MYH13: variants seen among roughly 807,000 people sequenced by gnomAD.
MYH13 encodes the protein myosin heavy chain 13.
In MYH13, 177 loss-of-function variants were observed where a neutral mutation model predicts 232.1. The ratio of observed to expected loss-of-function variants is 0.76; its 90% CI spans 0.67 to 0.86. The LOEUF (loss-of-function observed/expected upper bound fraction) is 0.86, where lower values mean the gene tolerates loss of function less well. MYH13 is among the 40% of genes least tolerant of loss of function. The pLI, the probability that MYH13 is intolerant of heterozygous loss-of-function variation, is 0.00. For missense variants in MYH13, 2,246 were observed against 2,405.9 expected, an observed-to-expected ratio of 0.93 and a Z score of 1.39; for synonymous variants, 884 against 923.5, an observed-to-expected ratio of 0.96 and a Z score of 0.78.
At chr17:10,364,755 G>T (rs2071820335) in intron 2 of MYH13, among the ~76,000 whole-genome samples, 1 of 147,204 alleles carries the variant, frequency 6.8e-6, no homozygotes, top group Non-Finnish European at 1.5e-5. Flanking sequence ...AAGTATGAAG[G>T]TTTTTTTTTT....
intron 19 of MYH13, 41 bp downstream of exon 19, chr17:10,333,033 C>G (rs749756846): frequency 2.8e-6 from 4 of 1,440,440 alleles, no homozygotes; most frequent in East Asian, 2.5e-5. Flanking sequence ...GCAAAAGGTG[C>G]CCTCGGAAGG....
In MYH13 at chr17:10,315,749, G is replaced by C. The variant is rs1429274668; in HGVS notation, c.3928C>G (p.Gln1310Glu). The C allele has an allele frequency of 6.2e-7, 1 of 1,613,880 alleles. No individual in the cohort carries two copies. The highest frequency in any genetic ancestry group is 1.3e-5 in the African/African-American group (1 of 74,924). ...TCCTCCAGCTGCTGGGTGAGGGCCT[G>C]CTTGCTTTTGGTCAGCTGTGAAATC... ...SLISQLTKSK[Q>E]ALTQQLEELK... Residue 1310 changes from glutamine (Q) to glutamate (E), a missense_variant, in exon 29 of 41, where the codon CAG becomes GAG. Coordinates refer to ENST00000252172, the MANE Select transcript of MYH13 (RefSeq NM_003802.3).
chr17:10,316,216 T>C (rs535842548), intron 27 of MYH13, among the ~76,000 whole-genome samples, 191 bp from the exon 28 acceptor site: 15 of 152,316 alleles, frequency 9.8e-5, no homozygotes, highest in African/African-American at 3.4e-4. Context: ...ATCCCAGCAC[T>C]TTGGGAGGCC....
At chr17:10,315,638 G>C (rs79462749) in intron 29 of MYH13, 55 bp downstream of exon 29, 2 of 1,472,242 alleles carry the variant, frequency 1.4e-6, no homozygotes, top group African/African-American at 2.8e-5. Context: ...AGCTTCACGG[G>C]TGAAGTGGTC....
intron 31 of MYH13, 33 bp from the exon 32 acceptor site, chr17:10,312,109 G>T (rs1184999012): frequency 1.2e-6 from 2 of 1,610,912 alleles, no homozygotes; most frequent in African/African-American, 2.7e-5. Flanking sequence ...GGGAGAAGCA[G>T]AAAGCAGGGG....
At chr17:10,329,084 A>G (rs1316071489) in intron 21 of MYH13, among the ~76,000 whole-genome samples, 1 of 152,080 alleles carries the variant, frequency 6.6e-6, no homozygotes, top group Non-Finnish European at 1.5e-5. Flanking sequence ...ATTCCTGAAC[A>G]CTGGCTTCTC....
rs1235911212 is a variant in MYH13 at position 10,309,765 on chromosome 17, G to A, written c.4722C>T (p.Ser1574=). Residue 1574 remains serine (S), a synonymous_variant, in exon 34 of 41, where the codon TCC becomes TCT. Coordinates refer to ENST00000252172, the MANE Select transcript of MYH13 (RefSeq NM_003802.3). The stretch of plus-strand genomic sequence containing the variant: ...TCTCAATGACCTTGCGGTCTAGCTC[G>A]GATTTCACCTGGCTCAGCTCTAGCT... The part of the protein sequence containing the change: ...RVQLELSQVK[S]ELDRKVIEKD... The A allele has an allele frequency of 6.2e-7, 1 of 1,601,130 alleles. No individual in the cohort carries two copies. The highest frequency in any genetic ancestry group is 2.3e-5 in the East Asian group (1 of 44,402).
chr17:10,369,434 G>C (rs989265913), intron 2 of MYH13, among the ~76,000 whole-genome samples: 12 of 151,898 alleles, frequency 7.9e-5, no homozygotes, highest in African/African-American at 2.9e-4. Flanking sequence ...AAATTTCTCA[G>C]CTAATGCTGA....
At chr17:10,361,510 C>A (rs984904884) in intron 5 of MYH13, among the ~76,000 whole-genome samples, 1 of 152,026 alleles carries the variant, frequency 6.6e-6, no homozygotes, top group African/African-American at 2.4e-5. Context: ...GCCAGGCTGG[C>A]CCCGAACTCC....
At chr17:10,330,878 G>A (rs932003567) in intron 20 of MYH13, among the ~76,000 whole-genome samples, 1 of 151,976 alleles carries the variant, frequency 6.6e-6, no homozygotes, top group African/African-American at 2.4e-5. Context: ...TTATCCGGGC[G>A]TGGTGGTGGG....
chr17:10,370,705 TG>T (rs1254424185), intron 2 of MYH13, among the ~76,000 whole-genome samples: 2 of 152,210 alleles, frequency 1.3e-5, no homozygotes, highest in East Asian at 3.8e-4. Flanking sequence ...TTGGCTTTTT[TG>T]GTCCCAATTC....
chr17:10,364,353 C>A lies in MYH13; in HGVS notation c.178G>T (p.Val60Phe), dbSNP rs766853069. 9 of 1,613,768 alleles carry A rather than the reference C, an allele frequency of 5.6e-6. No homozygotes were observed. In the Admixed American group the frequency reaches 1.3e-4, roughly 24 times the overall value. Residue 60 changes from valine (V) to phenylalanine (F), a missense_variant, in exon 3 of 41, where the codon GTC becomes TTC. Coordinates refer to ENST00000252172, the MANE Select transcript of MYH13 (RefSeq NM_003802.3). ...CGGTCATCGAGGGTCTTGACTATGA[C>A]TTTGTCATTTTCCCTAGTCTGGATC... is the stretch of plus-strand genomic sequence containing the variant. ...GMIQTRENDK[V>F]IVKTLDDRML...
Position 10,303,501 on chromosome 17 carries a change from G to C in MYH13, c.5467-3C>G. The stretch of plus-strand genomic sequence containing the variant: ...AGCTCATTTTCCAGCTCCCGCACCT[G>C]AGTAGGATGAAAGGAACACAGAATT... On this transcript the variant is annotated splice_region_variant and splice_polypyrimidine_tract_variant and intron_variant, in intron 37 of 40. Transcript: ENST00000252172. The C allele has an allele frequency of 1.2e-6, 2 of 1,613,096 alleles. No homozygotes were observed. The highest frequency in any genetic ancestry group is 2.2e-5 in the South Asian group (2 of 91,060).
rs148178662 is a variant in MYH13 at position 10,358,551 on chromosome 17, G to A, written c.646-724C>T. On this transcript the variant is annotated intron_variant, in intron 7 of 40. Coordinates refer to ENST00000252172, the MANE Select transcript of MYH13 (RefSeq NM_003802.3). ...GGCAGGAGGATTACTTGAGGCCAAC[G>A]GTCTGATACCAGCCTAGGAAAGATA... is the stretch of plus-strand genomic sequence containing the variant. 3.8e-3 allele frequency among the ~76,000 whole-genome samples: 585 copies of A among 151,962 alleles called. 6 individuals carry two copies. Among genetic ancestry groups the A allele is most frequent in the Admixed American group, 0.018 (274 of 15,242 alleles).
intron 21 of MYH13, among the ~76,000 whole-genome samples, chr17:10,330,167 C>T (rs1308959522): frequency 6.6e-6 from 1 of 152,176 alleles, no homozygotes; most frequent in Non-Finnish European, 1.5e-5. Flanking sequence ...ATACATGCGT[C>T]TGCTTCCCAC....
intron 18 of MYH13, among the ~76,000 whole-genome samples, chr17:10,334,282 G>A (rs986205606): frequency 9.2e-5 from 14 of 152,176 alleles, no homozygotes; most frequent in Non-Finnish European, 1.3e-4. Flanking sequence ...GAATGCCCAC[G>A]TGGTTCCCTG....
chr17:10,345,466 C>T lies in MYH13; in HGVS notation c.1413+1G>A, dbSNP rs2071656326. ...CAAGAAAGTAGAAGGTCACAACTCACATCAAAGATCTCAAAGCCAGCAATG... is the reference window on the plus strand; with the variant it reads ...CAAGAAAGTAGAAGGTCACAACTCATATCAAAGATCTCAAAGCCAGCAATG... On this transcript the variant is annotated splice_donor_variant, in intron 14 of 40. Coordinates refer to ENST00000252172, the MANE Select transcript of MYH13 (RefSeq NM_003802.3). LOFTEE classifies it high-confidence loss of function. 1 of 1,614,098 alleles carries T rather than the reference C, an allele frequency of 6.2e-7. No individual in the cohort carries two copies. Among genetic ancestry groups the T allele is most frequent in the Non-Finnish European group, 8.5e-7 (1 of 1,180,040 alleles).
rs1450113467 is a variant in MYH13, at chr17:10,323,779, AAAAAAAAAAAGAAGAAGAAG to A, written c.2934+223_2934+242del. ...CTCCATCTCACAAAAAAAAAAAAAAAAAAAAAAAAAGAAGAAGAAGAAGAAGAAGAAGAAGAAGAAGAAGA... is the reference window on the plus strand; with the variant it reads ...CTCCATCTCACAAAAAAAAAAAAAAAAAGAAGAAGAAGAAGAAGAAGAAGA... On this transcript the variant is annotated intron_variant, in intron 23 of 40. Coordinates refer to ENST00000252172, the MANE Select transcript of MYH13 (RefSeq NM_003802.3). Among the ~76,000 whole-genome samples, 434 of 100,770 alleles carry A rather than the reference AAAAAAAAAAAGAAGAAGAAG, an allele frequency of 4.3e-3. 1 individual carries two copies. The highest frequency in any genetic ancestry group is 7.3e-3 in the African/African-American group (198 of 27,162). The allele number at this position is 100,770 out of a possible 152,430, so 66.1% of individuals were successfully genotyped here.
In MYH13 at chr17:10,319,176, G is replaced by A. The variant is rs1235110056; in HGVS notation, c.3352C>T (p.Arg1118Cys). The A allele has an allele frequency of 2.1e-5, 34 of 1,612,618 alleles. No homozygotes were observed. The highest frequency in any genetic ancestry group is 2.6e-5 in the Non-Finnish European group (31 of 1,179,382). Residue 1118 changes from arginine to cysteine, a missense_variant, in exon 27 of 41, where the codon CGC (arginine) becomes TGC (cysteine). Coordinates refer to ENST00000252172, the MANE Select transcript of MYH13 (RefSeq NM_003802.3). ...FQKKIKELQARIEELEEEIEA... is the reference protein window; with the variant it reads ...FQKKIKELQACIEELEEEIEA... Reference sequence around the variant, plus strand: ...ATTTCCTCCTCCAGCTCTTCTATGCGGGCCTGAAAGGATTACTCTATCAGG... The same window carrying A: ...ATTTCCTCCTCCAGCTCTTCTATGCAGGCCTGAAAGGATTACTCTATCAGG...
Sources: gnomAD v4.1 joint callset for allele counts (sites outside exome capture counted in the v4.1 genomes callset) on GRCh38, gnomAD v4.1.1 for gene constraint, MANE v1.5 for transcripts, NCBI Gene and HGNC (gene_info 2026-07-23, HGNC 2026-07-21) for gene names.